Variants in LHFPL3 observed in about 807,000 individuals in gnomAD.
LHFPL3 encodes LHFPL tetraspan subfamily member 3, also known as LHFPL tetraspan subfamily member 3 protein.
Under a neutral mutation model 19.3 loss-of-function variants are expected in LHFPL3, and 5 were observed. The ratio of observed to expected loss-of-function variants is 0.26; its 90% CI spans 0.14 to 0.54. The LOEUF (loss-of-function observed/expected upper bound fraction) is 0.54, where lower values mean the gene tolerates loss of function less well. Ranked by LOEUF, LHFPL3 falls within the 20% of genes least tolerant of loss-of-function variation. The pLI is 0.94. For missense variants in LHFPL3, 249 were observed against 307.4 expected (o/e 0.81, Z 1.42); for synonymous variants, 133 against 126.2 (o/e 1.05, Z -0.36).
chr7:104,533,219 A>C (rs573722158), intron 1 of LHFPL3, among the ~76,000 whole-genome samples: 126 of 151,992 alleles, frequency 8.3e-4, no homozygotes, highest in Non-Finnish European at 1.6e-3. Context: ...ATGAGTGACC[A>C]CTCTTTCTGA....
chr7:104,888,056 T>C, intron 2 of LHFPL3, among the ~76,000 whole-genome samples: 1 of 152,180 alleles, frequency 6.6e-6, no homozygotes, highest in East Asian at 1.9e-4. Flanking sequence ...GGCTGATCCT[T>C]CACAGAGCCA....
intron 1 of LHFPL3, chr7:104,470,134 T>G: frequency 2.0e-5 from 9 of 452,386 alleles, no homozygotes; most frequent in Middle Eastern, 6.5e-4. Flanking sequence ...AAGAAGAACA[T>G]GGGTGTTGTT....
At chr7:104,631,950 G>A (rs989664987) in intron 1 of LHFPL3, among the ~76,000 whole-genome samples, 2 of 152,156 alleles carry the variant, frequency 1.3e-5, no homozygotes, top group African/African-American at 4.8e-5. Context: ...AAATAAGAAG[G>A]AGGTTCTCCA....
intron 1 of LHFPL3, among the ~76,000 whole-genome samples, chr7:104,589,374 T>C (rs1312532319): frequency 6.6e-6 from 1 of 152,242 alleles, no homozygotes; most frequent in Admixed American, 6.5e-5. Flanking sequence ...GATAATCATG[T>C]GGTTTTTGTC....
At chr7:104,421,594 C>T (rs991678521) in intron 1 of LHFPL3, among the ~76,000 whole-genome samples, 1 of 152,100 alleles carries the variant, frequency 6.6e-6, no homozygotes, top group East Asian at 1.9e-4. Context: ...AAGGCTCAGC[C>T]AGAGAAGCCA....
chr7:104,845,408 A>G, intron 2 of LHFPL3: 1 of 1,535,818 alleles, frequency 6.5e-7, no homozygotes, highest in Non-Finnish European at 8.7e-7. Context: ...AGGCAAACTA[A>G]GGTAGTGTGA....
At chr7:104,842,967 T>C (rs1313105105) in intron 2 of LHFPL3, among the ~76,000 whole-genome samples, 1 of 152,218 alleles carries the variant, frequency 6.6e-6, no homozygotes, top group Non-Finnish European at 1.5e-5. Flanking sequence ...CTCTCTGTGC[T>C]CCAGAGCATG....
At chr7:104,658,877 G>A (rs1201194981) in intron 1 of LHFPL3, among the ~76,000 whole-genome samples, 1 of 152,120 alleles carries the variant, frequency 6.6e-6, no homozygotes, top group African/African-American at 2.4e-5. Flanking sequence ...AATTTTTGAC[G>A]CATACCCCAG....
chr7:104,682,756 G>A (rs1050597171), intron 1 of LHFPL3, among the ~76,000 whole-genome samples: 1 of 152,132 alleles, frequency 6.6e-6, no homozygotes, highest in East Asian at 1.9e-4. Context: ...GGATTTGATC[G>A]TGTCATGTGT....
intron 1 of LHFPL3, among the ~76,000 whole-genome samples, chr7:104,392,129 A>G (rs1791084926): frequency 6.6e-6 from 1 of 152,156 alleles, no homozygotes; most frequent in South Asian, 2.1e-4. Flanking sequence ...TGTCATCTGC[A>G]AACAGGGACA....
chr7:104,521,774 A>G (rs1356912306), intron 1 of LHFPL3, among the ~76,000 whole-genome samples: 1 of 152,224 alleles, frequency 6.6e-6, no homozygotes, highest in Non-Finnish European at 1.5e-5. Context: ...TAGCCAAAAA[A>G]CACATGAAAA....
At chr7:104,557,489 C>A (rs1789871437) in intron 1 of LHFPL3, among the ~76,000 whole-genome samples, 1 of 152,052 alleles carries the variant, frequency 6.6e-6, no homozygotes, top group Non-Finnish European at 1.5e-5. Flanking sequence ...AGGAAAGACC[C>A]ACCCACATAA....
intron 1 of LHFPL3, among the ~76,000 whole-genome samples, chr7:104,555,418 G>A (rs150281711): frequency 0.024 from 3,601 of 152,286 alleles, 82 homozygotes; most frequent in Non-Finnish European, 0.039. Context: ...CATGGCAGAA[G>A]GCAAGGAGGA....
At chr7:104,755,576 A>C (rs754935439) in intron 2 of LHFPL3, among the ~76,000 whole-genome samples, 105 of 124,720 alleles carry the variant, frequency 8.4e-4, no homozygotes, top group Non-Finnish European at 8.8e-4. Flanking sequence ...CCAACCCCCA[A>C]CACCACCACA....
chr7:104,748,848 G>A (rs1056369696), intron 2 of LHFPL3, among the ~76,000 whole-genome samples: 5 of 152,098 alleles, frequency 3.3e-5, no homozygotes, highest in South Asian at 2.1e-4. Flanking sequence ...TCTACCTTAC[G>A]AGAAACACCC....
chr7:104,609,256 T>C (rs936237595), intron 1 of LHFPL3, among the ~76,000 whole-genome samples: 1 of 151,492 alleles, frequency 6.6e-6, no homozygotes, highest in Non-Finnish European at 1.5e-5. Flanking sequence ...CAGAGCAAGA[T>C]GCTGTCAAAA....
chr7:104,414,801 C>A (rs1791591794), intron 1 of LHFPL3, among the ~76,000 whole-genome samples: 1 of 152,170 alleles, frequency 6.6e-6, no homozygotes, highest in African/African-American at 2.4e-5. Context: ...AGGTTGAATT[C>A]TCTTACTGAC....
intron 1 of LHFPL3, among the ~76,000 whole-genome samples, chr7:104,508,219 A>T (rs1367596647): frequency 6.6e-6 from 1 of 152,138 alleles, no homozygotes; most frequent in African/African-American, 2.4e-5. Context: ...CAAATGTCCA[A>T]CAATGATAGA....
At chr7:104,551,960 G>A (rs1197497893) in intron 1 of LHFPL3, among the ~76,000 whole-genome samples, 2 of 152,100 alleles carry the variant, frequency 1.3e-5, no homozygotes, top group Non-Finnish European at 2.9e-5. Context: ...TTTCAGTGTT[G>A]CGGCCTACTA....
Sources: allele counts gnomAD v4.1 joint callset (sites outside exome capture counted in the v4.1 genomes callset), GRCh38; gene constraint gnomAD v4.1.1; transcripts MANE v1.5; gene names NCBI Gene and HGNC (gene_info 2026-07-23, HGNC 2026-07-21).